Variants in PPP1R37 observed in about 807,000 individuals in gnomAD.
The protein encoded by PPP1R37 is leucine rich repeat containing 68.
Under a neutral mutation model 61.0 loss-of-function variants are expected in PPP1R37, and 21 were observed. That is an observed-to-expected ratio of 0.34 (90% confidence interval 0.24 to 0.50). The LOEUF is 0.50. Among genes scored for constraint, PPP1R37 ranks in the 20% least tolerant of loss-of-function variants. PPP1R37 has a pLI of 0.98. For missense variants in PPP1R37, 910 were observed against 952.7 expected, an observed-to-expected ratio of 0.96 and a Z score of 0.59; for synonymous variants, 443 against 433.5, an observed-to-expected ratio of 1.02 and a Z score of -0.27.
At chr19:45,098,865 C>G (rs1367261866) in intron 1 of PPP1R37, among the ~76,000 whole-genome samples, 3 of 152,112 alleles carry the variant, frequency 2.0e-5, no homozygotes, top group Non-Finnish European at 4.4e-5. Flanking sequence ...TGCTTTGATG[C>G]ATCTGCTCAG....
At chr19:45,104,877 C>T (rs932263152) in intron 1 of PPP1R37, among the ~76,000 whole-genome samples, 2 of 152,198 alleles carry the variant, frequency 1.3e-5, no homozygotes, top group Admixed American at 6.5e-5. Context: ...AGACCGGCCC[C>T]ACCTACGCAC....
chr19:45,124,210 G>A (rs1968373847), intron 1 of PPP1R37, among the ~76,000 whole-genome samples: 1 of 152,204 alleles, frequency 6.6e-6, no homozygotes, highest in Admixed American at 6.5e-5. Flanking sequence ...GGATCAGGGA[G>A]GGCTTCCTGG....
intron 1 of PPP1R37, among the ~76,000 whole-genome samples, chr19:45,127,071 C>T (rs1393787902): frequency 1.3e-5 from 2 of 152,172 alleles, no homozygotes; most frequent in Non-Finnish European, 2.9e-5. Flanking sequence ...TAGGCCTGGT[C>T]AGGCCTGGTG....
intron 1 of PPP1R37, among the ~76,000 whole-genome samples, chr19:45,116,838 G>A (rs757297257): frequency 3.3e-5 from 5 of 152,096 alleles, no homozygotes; most frequent in South Asian, 2.1e-4. Context: ...GTGTTGTCTG[G>A]GTGTGGTGTG....
intron 1 of PPP1R37, among the ~76,000 whole-genome samples, chr19:45,123,840 A>C (rs942385350): frequency 6.6e-6 from 1 of 152,182 alleles, no homozygotes. Context: ...CCCTGCCTGC[A>C]GGCTTCCTTG....
Position 45,145,829 on chromosome 19 carries a change from T to TCCCCCCCCCCCCCCCCCC in PPP1R37, c.1778_1779insCCCCCCCCCCCCCCCCCC (p.Pro596_Ser597insProProProProProPro). The TCCCCCCCCCCCCCCCCCC allele has an allele frequency of 3.8e-6, 1 of 264,292 alleles. No homozygotes were observed. 16.4% of individuals were successfully genotyped at this position (264,292 alleles called of 1,614,324 possible). A position where few individuals can be genotyped will look rare whatever the true frequency, so the allele number is the denominator to read the frequency against. On this transcript the variant is annotated inframe_insertion, in exon 11 of 13. Coordinates refer to ENST00000221462, the MANE Select transcript of PPP1R37 (RefSeq NM_019121.2). Reference sequence around the variant, plus strand: ...CCCCTGCGTCCCCCACCCCTCCCTCTCCCCCACCCCCTCCCTCCCCACCCG... The same window carrying TCCCCCCCCCCCCCCCCCC: ...CCCCTGCGTCCCCCACCCCTCCCTCTCCCCCCCCCCCCCCCCCCCCCCCACCCCCTCCCTCCCCACCCG...
chr19:45,116,146 A>G (rs1029604765), intron 1 of PPP1R37, among the ~76,000 whole-genome samples: 1 of 152,198 alleles, frequency 6.6e-6, no homozygotes, highest in Non-Finnish European at 1.5e-5. Flanking sequence ...AGGTGCGCCC[A>G]ATCTGCCTTG....
At chr19:45,128,083 A>G (rs1021268941) in intron 1 of PPP1R37, among the ~76,000 whole-genome samples, 2 of 152,198 alleles carry the variant, frequency 1.3e-5, no homozygotes, top group Non-Finnish European at 2.9e-5. Flanking sequence ...AAATATGTAT[A>G]ATAATTATGT....
rs1434445548 is a variant in PPP1R37, at chr19:45,093,342, A to G, written c.17A>G (p.Gln6Arg). ...GCGGCGGCTATGGAGATCGCGCCGC[A>G]GGAGGCGCCGCCCGTGCCGGGCGCG... is the stretch of plus-strand genomic sequence containing the variant. MEIAPQEAPPVPGADG... is the reference protein window; with the variant it reads MEIAPREAPPVPGADG... The change falls in exon 1 of 13, where the codon CAG becomes CGG. Residue 6 changes from glutamine (Q) to arginine (R), a missense_variant. This residue lies in a region of PPP1R37 where 81 missense variants were observed against 65.4 expected (regional missense o/e 1.24). Transcript: ENST00000221462. The G allele has an allele frequency of 2.0e-6, 3 of 1,489,150 alleles. No individual in the cohort carries two copies. The highest frequency in any genetic ancestry group is 5.3e-5 in the East Asian group (2 of 37,946). The allele number at this position is 1,489,150 out of a possible 1,614,324, so 92.2% of individuals were successfully genotyped here.
At chr19:45,102,896 C>G (rs1173706603) in intron 1 of PPP1R37, among the ~76,000 whole-genome samples, 1 of 152,202 alleles carries the variant, frequency 6.6e-6, no homozygotes, top group Non-Finnish European at 1.5e-5. Context: ...GGCTCCTGGG[C>G]TGGAGCCACA....
chr19:45,146,332 G>A, intron 11 of PPP1R37, 58 bp from the exon 12 acceptor site: 3 of 1,475,580 alleles, frequency 2.0e-6, no homozygotes, highest in East Asian at 2.5e-5. Flanking sequence ...CCGGGCTGGG[G>A]ACAGGTTGTA....
chr19:45,128,819 C>T, intron 1 of PPP1R37: 1 of 618,544 alleles, frequency 1.6e-6, no homozygotes, highest in Admixed American at 2.3e-5. Context: ...TCCCCAGCAT[C>T]AAAAGGAATG....
intron 11 of PPP1R37, 98 bp downstream of exon 11, chr19:45,146,147 T>C: frequency 7.6e-7 from 1 of 1,317,890 alleles, no homozygotes. Context: ...TCCCCCTCTT[T>C]AAAATGGTTC....
intron 1 of PPP1R37, among the ~76,000 whole-genome samples, chr19:45,119,638 A>G (rs568505487): frequency 1.3e-5 from 2 of 152,212 alleles, no homozygotes; most frequent in East Asian, 3.9e-4. Flanking sequence ...CATTTTACCT[A>G]TACATTGCTT....
chr19:45,132,771 G>A (rs943785502), intron 1 of PPP1R37, among the ~76,000 whole-genome samples: 1 of 151,928 alleles, frequency 6.6e-6, no homozygotes, highest in African/African-American at 2.4e-5. Flanking sequence ...GTCTCCCTAT[G>A]TTGCCCAGGC....
In PPP1R37 at chr19:45,145,778, G is replaced by A. The variant is rs1475343908; in HGVS notation, c.1722G>A (p.Val574=). ...RGHKVFVVTR[V]ESPPERAEPP... Reference sequence around the variant, plus strand: ...ACAAGGTGTTTGTGGTGACCCGGGTGGAGAGCCCGCCCGAGAGGGCAGAGC... The same window carrying A: ...ACAAGGTGTTTGTGGTGACCCGGGTAGAGAGCCCGCCCGAGAGGGCAGAGC... The change falls in exon 11 of 13, where the codon GTG becomes GTA. Residue 574 remains valine, a synonymous_variant. Coordinates refer to ENST00000221462, the MANE Select transcript of PPP1R37 (RefSeq NM_019121.2). 4 of 1,513,292 alleles carry A rather than the reference G, an allele frequency of 2.6e-6. No homozygotes were observed. The highest frequency in any genetic ancestry group is 2.0e-5 in the Admixed American group (1 of 49,472). The allele number at this position is 1,513,292 out of a possible 1,614,324, so 93.7% of individuals were successfully genotyped here.
chr19:45,143,249 G>A (rs1480152590), intron 7 of PPP1R37: 6 of 379,902 alleles, frequency 1.6e-5, no homozygotes, highest in African/African-American at 1.0e-4. Flanking sequence ...GTGGGTGGGA[G>A]TGAGCTGGCT....
chr19:45,129,675 C>A (rs1175029449), intron 1 of PPP1R37, among the ~76,000 whole-genome samples: 1 of 152,124 alleles, frequency 6.6e-6, no homozygotes, highest in Non-Finnish European at 1.5e-5. Flanking sequence ...TCCCCACTCA[C>A]CCCTGGTCTG....
chr19:45,103,579 A>G (rs1968091068), intron 1 of PPP1R37, among the ~76,000 whole-genome samples: 1 of 151,720 alleles, frequency 6.6e-6, no homozygotes, highest in Non-Finnish European at 1.5e-5. Context: ...CCCTTTTGCA[A>G]AGCAAAGCAC....
Sources: allele counts gnomAD v4.1 joint callset (sites outside exome capture counted in the v4.1 genomes callset), GRCh38; gene constraint gnomAD v4.1.1; regional missense constraint gnomAD v4.1.1; transcripts MANE v1.5; gene names NCBI Gene and HGNC (gene_info 2026-07-23, HGNC 2026-07-21).